The following EPB41L3 variants were observed in gnomAD, a reference collection of about 807,000 sequenced individuals.
EPB41L3 encodes the protein erythrocyte membrane protein band 4.1 like 3, also known as band 4.1-like protein 3.
In EPB41L3, 57 loss-of-function variants were observed where a neutral mutation model predicts 127.1. That is an observed-to-expected ratio of 0.45 (90% CI 0.36 to 0.56). The LOEUF is 0.56. Among genes scored for constraint, EPB41L3 ranks in the 20% least tolerant of loss-of-function variants. The pLI, the probability that EPB41L3 is intolerant of heterozygous loss-of-function variation, is 0.00. For synonymous variants in EPB41L3, 572 were observed against 549.5 expected (o/e 1.04, Z -0.57); for missense variants, 1,273 against 1,372.2 (o/e 0.93, Z 1.14).
At chr18:5,577,303 T>C in intron 3 of EPB41L3, 1 of 450,848 alleles carries the variant, frequency 2.2e-6, no homozygotes, top group South Asian at 1.6e-5. Context: ...CAAGCATACA[T>C]TAATGTTAGC....
intron 3 of EPB41L3, among the ~76,000 whole-genome samples, chr18:5,564,820 A>G (rs2094177448): frequency 6.6e-6 from 1 of 152,036 alleles, no homozygotes; most frequent in South Asian, 2.1e-4. Flanking sequence ...GCTACTCACA[A>G]GCTCGATGAA....
At chr18:5,458,197 T>G (rs1295082778) in intron 3 of EPB41L3, among the ~76,000 whole-genome samples, 3 of 152,304 alleles carry the variant, frequency 2.0e-5, no homozygotes, top group Middle Eastern at 3.4e-3. Context: ...AGAACTACAG[T>G]GTTGAATTTT....
At chr18:5,601,693 G>C (rs2094593774) in intron 3 of EPB41L3, among the ~76,000 whole-genome samples, 1 of 152,168 alleles carries the variant, frequency 6.6e-6, no homozygotes, top group Admixed American at 6.5e-5. Flanking sequence ...AAGGCAGTTA[G>C]AACTATCCCA....
At chr18:5,444,287 C>A (rs1458362199) in intron 4 of EPB41L3, among the ~76,000 whole-genome samples, 1 of 152,176 alleles carries the variant, frequency 6.6e-6, no homozygotes, top group African/African-American at 2.4e-5. Context: ...AATAAAAGAT[C>A]CTTAGGCATC....
At chr18:5,506,397 C>T (rs1280071996) in intron 1 of EPB41L3, among the ~76,000 whole-genome samples, 3 of 152,128 alleles carry the variant, frequency 2.0e-5, no homozygotes, top group Admixed American at 6.6e-5. Context: ...TCCTCCCACC[C>T]GAGGCCTCTA....
intron 3 of EPB41L3, among the ~76,000 whole-genome samples, chr18:5,473,466 A>G (rs1207424267): frequency 1.3e-5 from 2 of 151,694 alleles, no homozygotes; most frequent in Admixed American, 6.6e-5. Context: ...ATATGGACCG[A>G]AATTTGAGAT....
chr18:5,587,874 G>C (rs1041307891), intron 3 of EPB41L3, among the ~76,000 whole-genome samples: 2 of 152,128 alleles, frequency 1.3e-5, no homozygotes, highest in Non-Finnish European at 2.9e-5. Flanking sequence ...ATACAATTAT[G>C]ACAATAATGC....
At position 5,480,691 on chromosome 18, in the gene EPB41L3, C is replaced by T. The variant is rs550538175; in HGVS notation, c.184-2253G>A. The stretch of plus-strand genomic sequence containing the variant: ...TGAGGCTTGGGGACTTGCGTGAGTT[C>T]TCCGAAGATGGTAAAACAATGACTA... On this transcript the variant is annotated intron_variant, in intron 2 of 22. Transcript: ENST00000341928. Among the ~76,000 whole-genome samples, 11 of 152,282 alleles carry T rather than the reference C, an allele frequency of 7.2e-5. No homozygotes were observed. The South Asian group carries it at 2.1e-3, about 29-fold the overall frequency.
At chr18:5,510,106 G>T (rs1043487531) in intron 1 of EPB41L3, among the ~76,000 whole-genome samples, 7 of 152,216 alleles carry the variant, frequency 4.6e-5, no homozygotes, top group Non-Finnish European at 1.0e-4. Context: ...AATGGGATAT[G>T]ACTTTGTACG....
At chr18:5,592,170 AATT>A (rs1244648755) in intron 3 of EPB41L3, among the ~76,000 whole-genome samples, 1 of 152,124 alleles carries the variant, frequency 6.6e-6, no homozygotes, top group African/African-American at 2.4e-5. Context: ...TTAATTTTTA[AATT>A]TTTATTCTTT....
upstream of EPB41L3, chr18:5,544,003 T>C: frequency 1.0e-6 from 1 of 985,338 alleles, no homozygotes; most frequent in Non-Finnish European, 1.2e-6. Flanking sequence ...GACTCGGGCG[T>C]GGGGAGGAAG....
chr18:5,536,288 G>A (rs2093569304), intron 1 of EPB41L3, among the ~76,000 whole-genome samples: 1 of 151,252 alleles, frequency 6.6e-6, no homozygotes, highest in Non-Finnish European at 1.5e-5. Context: ...CTCCTGATGT[G>A]TATATTAGAA....
intron 12 of EPB41L3, among the ~76,000 whole-genome samples, chr18:5,418,143 G>A (rs1254849778): frequency 1.3e-5 from 2 of 152,182 alleles, no homozygotes; most frequent in Non-Finnish European, 2.9e-5. Context: ...AACCAAGCCA[G>A]CCCACACCTA....
At chr18:5,590,692 G>A (rs900212820) in intron 3 of EPB41L3, among the ~76,000 whole-genome samples, 3 of 152,094 alleles carry the variant, frequency 2.0e-5, no homozygotes, top group African/African-American at 7.2e-5. Flanking sequence ...ATACACTTCA[G>A]TATATGCCTA....
At chr18:5,459,748 T>C (rs925309894) in intron 3 of EPB41L3, among the ~76,000 whole-genome samples, 7 of 152,242 alleles carry the variant, frequency 4.6e-5, no homozygotes, top group Non-Finnish European at 8.8e-5. Flanking sequence ...GACATACTTA[T>C]GCATTTGATT....
At chr18:5,497,866 G>A (rs147067364) in intron 1 of EPB41L3, among the ~76,000 whole-genome samples, 120 of 152,330 alleles carry the variant, frequency 7.9e-4, no homozygotes, top group African/African-American at 2.9e-3. Context: ...CTTCATCTGA[G>A]AACCCAACTA....
chr18:5,474,795 G>C (rs1249711237), intron 3 of EPB41L3, among the ~76,000 whole-genome samples: 1 of 152,154 alleles, frequency 6.6e-6, no homozygotes, highest in Non-Finnish European at 1.5e-5. Context: ...TTCTGTCCAT[G>C]AGTGGTAGTA....
intron 8 of EPB41L3, among the ~76,000 whole-genome samples, chr18:5,432,505 A>G (rs1215272863): frequency 1.3e-5 from 2 of 152,218 alleles, no homozygotes; most frequent in Admixed American, 1.3e-4. Context: ...AACACTGCTA[A>G]TGCATCAGAA....
chr18:5,525,647 T>C (rs974415479), intron 1 of EPB41L3, among the ~76,000 whole-genome samples: 9 of 152,186 alleles, frequency 5.9e-5, no homozygotes, highest in African/African-American at 1.7e-4. Context: ...ATAACACATA[T>C]GATTATTATA....
Sources: allele counts gnomAD v4.1 joint callset (sites outside exome capture counted in the v4.1 genomes callset), GRCh38; gene constraint gnomAD v4.1.1; transcripts MANE v1.5; gene names NCBI Gene and HGNC (gene_info 2026-07-23, HGNC 2026-07-21).